The following ADAM23 variants were observed in gnomAD, a reference collection of about 807,000 sequenced individuals.
ADAM23 encodes the protein ADAM metallopeptidase domain 23.
ADAM23 carries 33 observed loss-of-function variants against 120.1 expected under a neutral mutation model. The ratio of observed to expected loss-of-function variants is 0.27; its 90% CI spans 0.21 to 0.37. The LOEUF (loss-of-function observed/expected upper bound fraction) is 0.37, where lower values mean the gene tolerates loss of function less well. Among genes scored for constraint, ADAM23 ranks in the 10% least tolerant of loss-of-function variants. The pLI is 1.00. For missense variants in ADAM23, 862 were observed against 1,058.2 expected, an observed-to-expected ratio of 0.81 and a Z score of 2.57; for synonymous variants, 367 against 375.2, an observed-to-expected ratio of 0.98 and a Z score of 0.25.
At chr2:206,569,030 A>C (rs1292929642) in intron 15 of ADAM23, among the ~76,000 whole-genome samples, 3 of 152,246 alleles carry the variant, frequency 2.0e-5, no homozygotes, top group Non-Finnish European at 4.4e-5. Flanking sequence ...TCAATGCAAC[A>C]GAAATCCAAA....
intron 4 of ADAM23, among the ~76,000 whole-genome samples, chr2:206,533,304 C>T (rs542597129): frequency 3.3e-5 from 5 of 152,172 alleles, no homozygotes; most frequent in Non-Finnish European, 5.9e-5. Context: ...TGGTTTCAAG[C>T]GATTCTCCTG....
At chr2:206,617,361 G>T (rs1171034821) in intron 25 of ADAM23, among the ~76,000 whole-genome samples, 1 of 152,172 alleles carries the variant, frequency 6.6e-6, no homozygotes, top group Non-Finnish European at 1.5e-5. Context: ...CTTCACCAAA[G>T]GACATACTCT....
chr2:206,473,620 T>C (rs28588413), intron 2 of ADAM23, among the ~76,000 whole-genome samples: 11 of 145,002 alleles, frequency 7.6e-5, no homozygotes, highest in Non-Finnish European at 1.1e-4. Context: ...ACAACAACAA[T>C]AACGATTCTT....
At chr2:206,524,064 T>C (rs1317698414) in intron 3 of ADAM23, among the ~76,000 whole-genome samples, 2 of 152,082 alleles carry the variant, frequency 1.3e-5, no homozygotes, top group African/African-American at 4.8e-5. Flanking sequence ...TAGGTGTGAT[T>C]AGGGCTCCCA....
intron 3 of ADAM23, among the ~76,000 whole-genome samples, chr2:206,505,666 C>T (rs772637474): frequency 3.9e-5 from 6 of 152,170 alleles, no homozygotes; most frequent in Admixed American, 3.9e-4. Flanking sequence ...AGTGAATCCT[C>T]CCTCATGATC....
intron 3 of ADAM23, among the ~76,000 whole-genome samples, chr2:206,483,764 C>T (rs567501676): frequency 5.9e-5 from 9 of 152,056 alleles, no homozygotes; most frequent in Non-Finnish European, 8.8e-5. Context: ...GAGCAGTCAC[C>T]GGTGGTTGGA....
intron 24 of ADAM23, among the ~76,000 whole-genome samples, chr2:206,608,685 G>A (rs1213698709): frequency 3.9e-5 from 6 of 152,008 alleles, no homozygotes. Context: ...CCTGCACCCC[G>A]AGACTGTATT....
intron 18 of ADAM23, among the ~76,000 whole-genome samples, chr2:206,579,126 A>G (rs1201349677): frequency 6.6e-6 from 1 of 151,580 alleles, no homozygotes; most frequent in Non-Finnish European, 1.5e-5. Context: ...TAGATTCTGG[A>G]TATTATTTCT....
intron 24 of ADAM23, among the ~76,000 whole-genome samples, chr2:206,601,419 C>T (rs1698637972): frequency 6.6e-6 from 1 of 152,168 alleles, no homozygotes. Flanking sequence ...AATAATATAA[C>T]ATAATCACCT....
intron 23 of ADAM23, among the ~76,000 whole-genome samples, chr2:206,595,130 G>A (rs1387751288): frequency 6.6e-6 from 1 of 152,108 alleles, no homozygotes; most frequent in Non-Finnish European, 1.5e-5. Flanking sequence ...GCAGTGAGCC[G>A]AGATTGAGCC....
Position 206,620,074 on chromosome 2 carries a change from T to C in ADAM23, c.*2447T>C, listed in dbSNP as rs1227031022. 6.6e-6 allele frequency: 1 copy of C among 152,242 alleles called. No homozygotes were observed. Among genetic ancestry groups the C allele is most frequent in the Non-Finnish European group, 1.5e-5 (1 of 68,046 alleles). 9.4% of individuals were successfully genotyped at this position (152,242 alleles called of 1,614,324 possible). On this transcript the variant is annotated 3_prime_UTR_variant, in exon 26 of 26. Coordinates refer to ENST00000264377, the MANE Select transcript of ADAM23 (RefSeq NM_003812.4). ...TACTCTCTAGTAGATACTAAACTGCTGTGAAGTACACCATACACATTTCAC... is the reference window on the plus strand; with the variant it reads ...TACTCTCTAGTAGATACTAAACTGCCGTGAAGTACACCATACACATTTCAC...
At chr2:206,507,321 G>A (rs1196352123) in intron 3 of ADAM23, among the ~76,000 whole-genome samples, 1 of 152,090 alleles carries the variant, frequency 6.6e-6, no homozygotes, top group African/African-American at 2.4e-5. Flanking sequence ...TCTCATGCAT[G>A]GGTTAGCACT....
At chr2:206,492,691 C>T (rs751782705) in intron 3 of ADAM23, among the ~76,000 whole-genome samples, 3 of 151,988 alleles carry the variant, frequency 2.0e-5, no homozygotes, top group Non-Finnish European at 2.9e-5. Context: ...ATTGTAAGGG[C>T]ATTAATCTCA....
At chr2:206,588,045 A>G in intron 19 of ADAM23, 46 bp from the exon 20 acceptor site, 1 of 1,602,730 alleles carries the variant, frequency 6.2e-7, no homozygotes, top group Non-Finnish European at 8.5e-7. Context: ...ACATTGGGGA[A>G]GACAAACTGA....
chr2:206,570,356 G>T (rs1697971195), intron 15 of ADAM23, among the ~76,000 whole-genome samples: 1 of 152,070 alleles, frequency 6.6e-6, no homozygotes, highest in African/African-American at 2.4e-5. Flanking sequence ...CTTCTCAGCT[G>T]TCTTGAGACA....
chr2:206,504,331 CCT>C (rs2105895659), intron 3 of ADAM23, among the ~76,000 whole-genome samples: 1 of 151,894 alleles, frequency 6.6e-6, no homozygotes, highest in Admixed American at 6.6e-5. Context: ...TCATATTTGC[CCT>C]GAGTGAACCT....
intron 14 of ADAM23, among the ~76,000 whole-genome samples, chr2:206,565,972 A>G (rs1333594609): frequency 2.6e-5 from 4 of 152,092 alleles, no homozygotes; most frequent in Admixed American, 2.6e-4. Context: ...CTACTTTAGA[A>G]CGCATTTCTA....
At chr2:206,537,199 C>T (rs948242770) in intron 4 of ADAM23, among the ~76,000 whole-genome samples, 2 of 152,142 alleles carry the variant, frequency 1.3e-5, no homozygotes, top group Non-Finnish European at 2.9e-5. Context: ...AGTATAACCA[C>T]ATCACCCTTT....
intron 2 of ADAM23, among the ~76,000 whole-genome samples, chr2:206,448,100 C>CT (rs1695118575): frequency 6.6e-6 from 1 of 152,148 alleles, no homozygotes. Flanking sequence ...GTTGAAAAAT[C>CT]TTTTTTATCT....
Sources: allele counts gnomAD v4.1 joint callset (sites outside exome capture counted in the v4.1 genomes callset), GRCh38; gene constraint gnomAD v4.1.1; transcripts MANE v1.5; gene names NCBI Gene and HGNC (gene_info 2026-07-23, HGNC 2026-07-21).